Variants in AHNAK2 observed in about 807,000 individuals in gnomAD.
AHNAK2 encodes protein AHNAK2.
In AHNAK2, 18 loss-of-function variants were observed where a neutral mutation model predicts 30.7. The ratio of observed to expected loss-of-function variants is 0.59; its 90% confidence interval spans 0.41 to 0.87. The LOEUF (loss-of-function observed/expected upper bound fraction) is 0.87, where lower values mean the gene tolerates loss of function less well. Ranked by LOEUF, AHNAK2 falls within the 40% of genes least tolerant of loss-of-function variation. The probability of loss-of-function intolerance (pLI) is 0.00; values close to 1 mark genes in which losing one functional copy is unlikely to be tolerated. For synonymous variants in AHNAK2, 3,590 were observed against 3,073.8 expected (o/e 1.17, Z -5.56); for missense variants, 8,604 against 7,373.0 (o/e 1.17, Z -6.11).
chr14:104,971,663 G>A (rs2077608917), intron 1 of AHNAK2, among the ~76,000 whole-genome samples: 1 of 152,190 alleles, frequency 6.6e-6, no homozygotes, highest in South Asian at 2.1e-4. Context: ...AGCTCCAGCT[G>A]CCTGGCCCAC....
Position 104,948,129 on chromosome 14 carries a change from T to A in AHNAK2, c.7322A>T (p.Asp2441Val), listed in dbSNP as rs1442809754. The A allele has an allele frequency of 6.2e-7, 1 of 1,611,826 alleles. No individual in the cohort carries two copies. The highest frequency in any genetic ancestry group is 8.5e-7 in the Non-Finnish European group (1 of 1,179,470). ...CACGCTGGGCTGAGACACCTCCACGTCGGGGGCCATCACGTCCGTCTTGGG... is the reference window on the plus strand; with the variant it reads ...CACGCTGGGCTGAGACACCTCCACGACGGGGGCCATCACGTCCGTCTTGGG... The part of the protein sequence containing the change: ...KGPKTDVMAP[D>V]VEVSQPSVEV... Residue 2441 changes from aspartate to valine, a missense_variant, in exon 7 of 7, where the codon GAC becomes GTC. Transcript: ENST00000333244.
Position 104,941,671 on chromosome 14 carries a change from C to A in AHNAK2, c.13780G>T (p.Val4594Leu). The A allele has an allele frequency of 6.2e-7, 1 of 1,612,932 alleles. No individual in the cohort carries two copies. The highest frequency in any genetic ancestry group is 8.5e-7 in the Non-Finnish European group (1 of 1,179,616). The stretch of plus-strand genomic sequence containing the variant: ...CCTGGGGCCTGGACATCCGTCTCCA[C>A]GCTGGGCAGAGACACCTCCACATCG... ...APDVEVSLPS[V>L]ETDVQAPGSM... The change falls in exon 7 of 7, where the codon GTG (valine) becomes TTG (leucine). Residue 4594 changes from valine (V) to leucine (L), a missense_variant. Physicochemically the swap from Val to Leu is conservative, Grantham distance 32. Coordinates refer to ENST00000333244, the MANE Select transcript of AHNAK2 (RefSeq NM_138420.4).
chr14:104,947,392 T>C lies in AHNAK2; in HGVS notation c.8059A>G (p.Met2687Val). The change falls in exon 7 of 7, where the codon ATG (methionine) becomes GTG (valine). Residue 2687 changes from methionine (M) to valine (V), a missense_variant. Coordinates refer to ENST00000333244, the MANE Select transcript of AHNAK2 (RefSeq NM_138420.4). ...KVEADMSLPS[M>V]QGDLKTTDIS... is the part of the protein sequence containing the mutation. ...TCAGTGGTCTTAAGGTCCCCTTGCATGGAGGGGAGGCTCATGTCGGCTTCC... is the reference window on the plus strand; with the variant it reads ...TCAGTGGTCTTAAGGTCCCCTTGCACGGAGGGGAGGCTCATGTCGGCTTCC... 1 of 1,612,680 alleles carries C rather than the reference T, an allele frequency of 6.2e-7. No homozygotes were observed. Among genetic ancestry groups the C allele is most frequent in the East Asian group, 2.2e-5 (1 of 44,744 alleles).
Position 104,943,124 on chromosome 14 carries a change from C to T in AHNAK2, c.12327G>A (p.Lys4109=). The change falls in exon 7 of 7, where the codon AAG becomes AAA. Residue 4109 remains lysine, a synonymous_variant. Transcript: ENST00000333244. ...CCCCCTCCAGCTGCACACCATCCAG[C>T]TTTGCTCTCGGGGCCTGGACGTCCA... ...MEVDVQAPRA[K]LDGVQLEGDL... The T allele has an allele frequency of 2.5e-6, 4 of 1,613,388 alleles. No individual in the cohort carries two copies. The highest frequency in any genetic ancestry group is 3.4e-6 in the Non-Finnish European group (4 of 1,179,646).
chr14:104,969,242 G>A (rs1414059725), intron 1 of AHNAK2, among the ~76,000 whole-genome samples: 1 of 152,218 alleles, frequency 6.6e-6, no homozygotes, highest in Non-Finnish European at 1.5e-5. Flanking sequence ...CCCCACTGCA[G>A]CCCAGCTGCA....
At position 104,952,655 on chromosome 14, in the gene AHNAK2, C is replaced by G; in HGVS notation, c.2796G>C (p.Lys932Asn). 1 of 1,612,482 alleles carries G rather than the reference C, an allele frequency of 6.2e-7. No individual in the cohort carries two copies. The highest frequency in any genetic ancestry group is 8.5e-7 in the Non-Finnish European group (1 of 1,179,572). The part of the protein sequence containing the change: ...PSFKMPKVDL[K>N]GPQIDVKGPK... ...GGCCCTTAACATCTATCTGGGGGCCCTTGAGGTCCACTTTGGGCATCTTGA... is the reference window on the plus strand; with the variant it reads ...GGCCCTTAACATCTATCTGGGGGCCGTTGAGGTCCACTTTGGGCATCTTGA... Residue 932 changes from lysine (K) to asparagine (N), a missense_variant, in exon 7 of 7, where the codon AAG becomes AAC. Transcript: ENST00000333244.
Position 104,945,056 on chromosome 14 carries a change from A to C in AHNAK2, c.10395T>G (p.Asp3465Glu), listed in dbSNP as rs529172064. The change falls in exon 7 of 7, where the codon GAT becomes GAG. Residue 3465 changes from aspartate to glutamate, a missense_variant. Transcript: ENST00000333244. ...TGAACTTGCTGTCTTTGGCAGTCACATCCTTTTCAGCCAGGGACAGGTCCC... is the reference window on the plus strand; with the variant it reads ...TGAACTTGCTGTCTTTGGCAGTCACCTCCTTTTCAGCCAGGGACAGGTCCC... ...LEGDLSLAEK[D>E]VTAKDSKFKM... is the part of the protein sequence containing the mutation. 2.6e-5 allele frequency: 41 copies of C among 1,607,652 alleles called. No individual in the cohort carries two copies. The highest frequency in any genetic ancestry group is 1.5e-4 in the African/African-American group (11 of 73,090).
At position 104,953,467 on chromosome 14, in the gene AHNAK2, T is replaced by C. The variant is rs2140864783; in HGVS notation, c.1984A>G (p.Ile662Val). Residue 662 changes from isoleucine to valine, a missense_variant, in exon 7 of 7, where the codon ATT becomes GTT. Ile to Val is a conservative substitution (Grantham distance 29). Transcript: ENST00000333244. ...GTGGCCACTTCCTTTTCTGTCAGAATTTGTTCCTTTTTTAAGCGTTTTTCA... is the reference window on the plus strand; with the variant it reads ...GTGGCCACTTCCTTTTCTGTCAGAACTTGTTCCTTTTTTAAGCGTTTTTCA... ...HDEKRLKKEQ[I>V]LTEKEVATKD... 2 of 1,614,032 alleles carry C rather than the reference T, an allele frequency of 1.2e-6. No homozygotes were observed. The highest frequency in any genetic ancestry group is 2.7e-5 in the African/African-American group (2 of 75,056).
At chr14:104,957,098 A>C (rs1051346285) in intron 3 of AHNAK2, among the ~76,000 whole-genome samples, 9 of 152,232 alleles carry the variant, frequency 5.9e-5, no homozygotes, top group African/African-American at 2.2e-4. Flanking sequence ...AGACAGCATG[A>C]GTGTGTTACA....
rs183966648 is a variant in AHNAK2, at chr14:104,953,403, G to A, written c.2048C>T (p.Pro683Leu). ...GCCTGGGGCTGACGCCCCGAACAAT[G>A]GCATCTTGAACTTGGGCATTTTGAA... ...SKFKMPKFKM[P>L]LFGASAPGKS... The change falls in exon 7 of 7, where the codon CCA becomes CTA. Residue 683 changes from proline to leucine, a missense_variant. By Grantham distance (98) the Pro-to-Leu change is moderately conservative (BLOSUM62 -3). Transcript: ENST00000333244. 230 of 1,613,946 alleles carry A rather than the reference G, an allele frequency of 1.4e-4. No homozygotes were observed. In the African/African-American group the frequency reaches 2.8e-3, roughly 20 times the overall value.
At position 104,944,161 on chromosome 14, in the gene AHNAK2, C is replaced by T. The variant is rs1302099922; in HGVS notation, c.11290G>A (p.Val3764Met). 2.5e-6 allele frequency: 4 copies of T among 1,613,462 alleles called. No homozygotes were observed. In the East Asian group the frequency reaches 8.9e-5, roughly 36 times the overall value. Residue 3764 changes from valine (V) to methionine (M), a missense_variant, in exon 7 of 7, where the codon GTG (valine) becomes ATG (methionine). Physicochemically the swap from Val to Met is conservative, Grantham distance 21. Coordinates refer to ENST00000333244, the MANE Select transcript of AHNAK2 (RefSeq NM_138420.4). Reference sequence around the variant, plus strand: ...TCCACCTCCACGCTGGGCAGAGACACCTCCACATCAGGGGCTGTGACTTCC... The same window carrying T: ...TCCACCTCCACGCTGGGCAGAGACATCTCCACATCAGGGGCTGTGACTTCC... ...KAEVTAPDVE[V>M]SLPSVEVDVQ... is the part of the protein sequence containing the mutation.
In AHNAK2 at chr14:104,946,854, G is replaced by C. The variant is rs565701275; in HGVS notation, c.8597C>G (p.Pro2866Arg). The change falls in exon 7 of 7, where the codon CCC (proline) becomes CGC (arginine). Residue 2866 changes from proline (P) to arginine (R), a missense_variant. By Grantham distance (103) the Pro-to-Arg change is moderately radical. Coordinates refer to ENST00000333244, the MANE Select transcript of AHNAK2 (RefSeq NM_138420.4). ...AGCCTGGACCTCCAGTTGGGCGGAG[G>C]GGGGCTGAATGCGGATGTCAGTGGT... is the stretch of plus-strand genomic sequence containing the variant. ...LKTTDIRIQPPSAQLEVQAGQ... is the reference protein window; with the variant it reads ...LKTTDIRIQPRSAQLEVQAGQ... 1.4e-5 allele frequency: 22 copies of C among 1,612,568 alleles called. No individual in the cohort carries two copies. In the East Asian group the frequency reaches 2.5e-4, roughly 18 times the overall value.
In AHNAK2 at chr14:104,944,520, T is replaced by G; in HGVS notation, c.10931A>C (p.Lys3644Thr). 1 of 1,613,080 alleles carries G rather than the reference T, an allele frequency of 6.2e-7. No homozygotes were observed. The highest frequency in any genetic ancestry group is 8.5e-7 in the Non-Finnish European group (1 of 1,179,568). The change falls in exon 7 of 7, where the codon AAG (lysine) becomes ACG (threonine). Residue 3644 changes from lysine to threonine, a missense_variant. By Grantham distance (78) the Lys-to-Thr change is moderately conservative. Coordinates refer to ENST00000333244, the MANE Select transcript of AHNAK2 (RefSeq NM_138420.4). The part of the protein sequence containing the change: ...KDSKFKMPKF[K>T]MPSFRVSAPG... ...GGCCGATACCCTGAATGACGGCATC[T>G]TGAATTTGGGCATTTTGAACTTGCT... is the stretch of plus-strand genomic sequence containing the variant.
Position 104,954,212 on chromosome 14 carries a change from TC to T in AHNAK2, c.1238del (p.Gly413AspfsTer34). 1 of 1,610,672 alleles carries T rather than the reference TC, an allele frequency of 6.2e-7. No individual in the cohort carries two copies. Among genetic ancestry groups the T allele is most frequent in the South Asian group, 1.1e-5 (1 of 91,076 alleles). ...TTCCATGGAGCCTGGCTGCCCTGAGTCCCCCTTCCTGAGGGGTTCCCTCGCA... is the reference window on the plus strand; with the variant it reads ...TTCCATGGAGCCTGGCTGCCCTGAGTCCCCTTCCTGAGGGGTTCCCTCGCA... ...RLCEGTPQEG[G>X]LRAARLHGKT... On this transcript the variant is annotated frameshift_variant, in exon 7 of 7. Coordinates refer to ENST00000333244, the MANE Select transcript of AHNAK2 (RefSeq NM_138420.4). LOFTEE classifies it low-confidence loss of function (END_TRUNC). This position sits in a 1 kb window ranked among gnomAD's most constrained non-coding sequence, Gnocchi z 4.3.
At position 104,946,858 on chromosome 14, in the gene AHNAK2, G is replaced by T; in HGVS notation, c.8593C>A (p.Pro2865Thr). 1.2e-6 allele frequency: 2 copies of T among 1,612,682 alleles called. No homozygotes were observed. The highest frequency in any genetic ancestry group is 4.5e-5 in the East Asian group (2 of 44,728). Reference sequence around the variant, plus strand: ...TGGACCTCCAGTTGGGCGGAGGGGGGCTGAATGCGGATGTCAGTGGTCTTA... The same window carrying T: ...TGGACCTCCAGTTGGGCGGAGGGGGTCTGAATGCGGATGTCAGTGGTCTTA... ...DLKTTDIRIQ[P>T]PSAQLEVQAG... Residue 2865 changes from proline to threonine, a missense_variant, in exon 7 of 7, where the codon CCC becomes ACC. Pro to Thr is a conservative substitution (Grantham distance 38, BLOSUM62 -1). Transcript: ENST00000333244.
rs183474761 is a variant in AHNAK2 at position 104,956,685 on chromosome 14, T to A, written c.218A>T (p.Asp73Val). 6.8e-6 allele frequency: 11 copies of A among 1,613,468 alleles called. No homozygotes were observed. In the East Asian group the frequency reaches 2.5e-4, roughly 36 times the overall value. The change falls in exon 4 of 7, where the codon GAC becomes GTC. Residue 73 changes from aspartate to valine, a missense_variant. Physicochemically the swap from Asp to Val is radical, Grantham distance 152. Coordinates refer to ENST00000333244, the MANE Select transcript of AHNAK2 (RefSeq NM_138420.4). ...TEAADFGLQEDAPGRQGSAGR... is the reference protein window; with the variant it reads ...TEAADFGLQEVAPGRQGSAGR... ...AGCAGAACCTTGCCTGCCGGGGGCG[T>A]CTTCCTGCAGCCACAAGTGTTGGGA...
In AHNAK2 at chr14:104,947,582, T is replaced by C; in HGVS notation, c.7869A>G (p.Ala2623=). ...CCTCCAGCCGCGCACCATCCAGCTT[T>C]GCTCTCGGGGCCTGGACGTCCACCT... ...SMEVDVQAPR[A]KLDGARLEGD... The change falls in exon 7 of 7, where the codon GCA becomes GCG. Residue 2623 remains alanine, a synonymous_variant. Coordinates refer to ENST00000333244, the MANE Select transcript of AHNAK2 (RefSeq NM_138420.4). The C allele has an allele frequency of 6.2e-7, 1 of 1,610,396 alleles. No homozygotes were observed. The highest frequency in any genetic ancestry group is 8.5e-7 in the Non-Finnish European group (1 of 1,178,554).
In AHNAK2 at chr14:104,954,137, G is replaced by A; in HGVS notation, c.1314C>T (p.Pro438=). Residue 438 remains proline, a synonymous_variant, in exon 7 of 7, where the codon CCC becomes CCT. Transcript: ENST00000333244. The surrounding 1 kb of genome is among the most constrained non-coding windows in gnomAD (Gnocchi z 4.3). ...TCATTCCAGGAGTTGGCTGGGCCCT[G>A]GGCTTCCTCTGGGCCACTGCTGTCT... ...AQETAVAQRK[P]RAQPTPGMSR... 1 of 1,611,182 alleles carries A rather than the reference G, an allele frequency of 6.2e-7. No individual in the cohort carries two copies.
chr14:104,953,055 A>T lies in AHNAK2; in HGVS notation c.2396T>A (p.Met799Lys), dbSNP rs1431894994. The change falls in exon 7 of 7, where the codon ATG becomes AAG. Residue 799 changes from methionine (M) to lysine (K), a missense_variant. Transcript: ENST00000333244. ...TCTCGGGGCCTGGACGTCCACCTCC[A>T]TGCTGGACAGAGACATCTTCACATC... ...APDVKMSLSSMEVDVQAPRAK... is the reference protein window; with the variant it reads ...APDVKMSLSSKEVDVQAPRAK... 1.9e-6 allele frequency: 3 copies of T among 1,613,012 alleles called. No homozygotes were observed. The highest frequency in any genetic ancestry group is 3.3e-5 in the Admixed American group (2 of 59,938).
Sources: allele counts gnomAD v4.1 joint callset (sites outside exome capture counted in the v4.1 genomes callset), GRCh38; gene constraint gnomAD v4.1.1; non-coding constraint Gnocchi (gnomAD v3.1); transcripts MANE v1.5; gene names NCBI Gene and HGNC (gene_info 2026-07-23, HGNC 2026-07-21).